The following XPO1 variants were observed in gnomAD, a reference collection of about 807,000 sequenced individuals.
The protein encoded by XPO1 is exportin 1.
Under a neutral mutation model 133.3 loss-of-function variants are expected in XPO1, and 5 were observed. That is an observed-to-expected ratio of 0.04 (90% CI 0.02 to 0.08). XPO1 has a LOEUF of 0.08. Ranked by LOEUF, XPO1 falls within the 10% of genes least tolerant of loss-of-function variation. XPO1 has a pLI of 1.00. For synonymous variants in XPO1, 419 were observed against 408.2 expected (o/e 1.03, Z -0.32); for missense variants, 506 against 1,267.5 (o/e 0.40, Z 9.12).
At chr2:61,524,092 T>TAATTA (rs1257219945) in intron 3 of XPO1, among the ~76,000 whole-genome samples, 6 of 152,178 alleles carry the variant, frequency 3.9e-5, no homozygotes, top group Non-Finnish European at 8.8e-5. Flanking sequence ...CTGAAGTTCT[T>TAATTA]AATTAGCTTT....
chr2:61,495,737 C>T (rs1030133769), intron 10 of XPO1, 124 bp from the exon 11 acceptor site: 2 of 941,474 alleles, frequency 2.1e-6, no homozygotes, highest in South Asian at 3.0e-5. Flanking sequence ...AGTGGTATGA[C>T]CAAAGCTCAC....
chr2:61,481,819 C>T (rs1696374376), intron 23 of XPO1, among the ~76,000 whole-genome samples: 3 of 151,924 alleles, frequency 2.0e-5, no homozygotes, highest in South Asian at 4.1e-4. Flanking sequence ...TCACTGCAAC[C>T]TCTGCCTCCT....
intron 10 of XPO1, 142 bp from the exon 11 acceptor site, chr2:61,495,755 T>G: frequency 1.3e-6 from 1 of 770,324 alleles, no homozygotes; most frequent in Non-Finnish European, 1.8e-6. Flanking sequence ...CACTGCAGCC[T>G]CCACCTCCTA....
chr2:61,486,058 T>C lies in XPO1; in HGVS notation c.2314-96A>G, dbSNP rs549438411. The C allele has an allele frequency of 1.6e-4, 187 of 1,152,160 alleles. 1 individual carries two copies. The highest frequency in any genetic ancestry group is 2.2e-4 in the Non-Finnish European group (181 of 841,534). 71.4% of individuals were successfully genotyped at this position (1,152,160 alleles called of 1,614,324 possible). On this transcript the variant is annotated intron_variant, in intron 19 of 24. Coordinates refer to ENST00000401558, the MANE Select transcript of XPO1 (RefSeq NM_003400.4). ...TTCCTGTCTATGAGATGTAGCATGA[T>C]CATCTACTGAAAACAGGAAAATCTT... is the stretch of plus-strand genomic sequence containing the variant.
At chr2:61,530,232 T>C (rs762420175) in intron 2 of XPO1, among the ~76,000 whole-genome samples, 3 of 152,206 alleles carry the variant, frequency 2.0e-5, no homozygotes, top group Non-Finnish European at 4.4e-5. Context: ...TCCCACACTA[T>C]CACCACTCAC....
Position 61,528,768 on chromosome 2 carries a change from T to A in XPO1, c.127-2247A>T, listed in dbSNP as rs1443273842. On this transcript the variant is annotated intron_variant, in intron 2 of 24. Transcript: ENST00000401558. Reference sequence around the variant, plus strand: ...ATATATATATATATATATATATATATATATATATATATAGTTTTTTCATTT... The same window carrying A: ...ATATATATATATATATATATATATAAATATATATATATAGTTTTTTCATTT... Among the ~76,000 whole-genome samples, 12 of 91,436 alleles carry A rather than the reference T, an allele frequency of 1.3e-4. 1 individual carries two copies. The South Asian group carries it at 4.4e-3, about 33-fold the overall frequency. 60.0% of individuals were successfully genotyped at this position (91,436 alleles called of 152,430 possible). A position where few individuals can be genotyped will look rare whatever the true frequency, so the allele number is the denominator to read the frequency against.
At chr2:61,530,595 G>C (rs1699106180) in intron 2 of XPO1, among the ~76,000 whole-genome samples, 1 of 151,878 alleles carries the variant, frequency 6.6e-6, no homozygotes. Context: ...TGATAACAGA[G>C]GGTAGAGGGT....
chr2:61,530,588 T>C (rs1189141800), intron 2 of XPO1, among the ~76,000 whole-genome samples: 1 of 152,142 alleles, frequency 6.6e-6, no homozygotes, highest in African/African-American at 2.4e-5. Context: ...AAAATGCTGA[T>C]AACAGAGGGT....
intron 4 of XPO1, among the ~76,000 whole-genome samples, chr2:61,515,204 G>GT: frequency 6.6e-6 from 1 of 152,218 alleles, no homozygotes; most frequent in Admixed American, 6.5e-5. Flanking sequence ...TACAGAGGTA[G>GT]TTTCACAGGA....
At chr2:61,487,527 C>G (rs987164239) in intron 19 of XPO1, among the ~76,000 whole-genome samples, 7 of 151,044 alleles carry the variant, frequency 4.6e-5, no homozygotes, top group Admixed American at 2.0e-4. Context: ...AACTAGCACA[C>G]TTGTAAAAAA....
intron 23 of XPO1, 127 bp from the exon 24 acceptor site, chr2:61,481,408 A>G: frequency 2.1e-6 from 1 of 480,996 alleles, no homozygotes; most frequent in Non-Finnish European, 3.5e-6. Context: ...TCCCGGGTTC[A>G]AGACATTCTC....
intron 2 of XPO1, among the ~76,000 whole-genome samples, chr2:61,531,199 G>C (rs1345037414): frequency 1.3e-5 from 2 of 152,148 alleles, no homozygotes; most frequent in African/African-American, 4.8e-5. Flanking sequence ...AGACCAAAAG[G>C]ACTCCTTAAC....
At chr2:61,524,070 T>C (rs753946651) in intron 3 of XPO1, among the ~76,000 whole-genome samples, 11 of 151,798 alleles carry the variant, frequency 7.2e-5, no homozygotes, top group Non-Finnish European at 1.2e-4. Context: ...AAAAAGAGAG[T>C]TGTCCAAATG....
chr2:61,505,317 G>C (rs189055989), intron 4 of XPO1, among the ~76,000 whole-genome samples: 37 of 151,828 alleles, frequency 2.4e-4, no homozygotes, highest in African/African-American at 8.0e-4. Context: ...AAAACAAAAA[G>C]TAGGAAATCA....
chr2:61,528,728 TTTATTTATATA>T (rs1193232420), intron 2 of XPO1, among the ~76,000 whole-genome samples: 3 of 99,060 alleles, frequency 3.0e-5, no homozygotes, highest in Non-Finnish European at 6.0e-5. Flanking sequence ...ATGTCGACAT[TTTATTTATATA>T]TATATATATA....
At chr2:61,526,367 G>A in intron 3 of XPO1, 53 bp downstream of exon 3, 1 of 1,572,122 alleles carries the variant, frequency 6.4e-7, no homozygotes. Context: ...CTTCCTCAAA[G>A]TTTATGACTG....
intron 4 of XPO1, among the ~76,000 whole-genome samples, chr2:61,510,097 T>C (rs1182568839): frequency 6.6e-6 from 1 of 151,950 alleles, no homozygotes; most frequent in Non-Finnish European, 1.5e-5. Flanking sequence ...CAGGCCAACA[T>C]GGTGAAACCT....
intron 12 of XPO1, chr2:61,493,603 C>T: frequency 3.5e-6 from 1 of 282,092 alleles, no homozygotes; most frequent in Non-Finnish European, 6.6e-6. Context: ...ACTTCTGTTA[C>T]AGGAGTTTCC....
At chr2:61,484,410 A>T in intron 20 of XPO1, 1 of 260,698 alleles carries the variant, frequency 3.8e-6, no homozygotes, top group Non-Finnish European at 7.2e-6. Flanking sequence ...ATTTGAAATC[A>T]CCACTACAGA....
Sources: gnomAD v4.1 joint callset for allele counts (sites outside exome capture counted in the v4.1 genomes callset) on GRCh38, gnomAD v4.1.1 for gene constraint, MANE v1.5 for transcripts, NCBI Gene and HGNC (gene_info 2026-07-23, HGNC 2026-07-21) for gene names.